The following NELL2 variants were observed in gnomAD, a reference collection of about 807,000 sequenced individuals.
NELL2 encodes the protein protein kinase C-binding protein NELL2.
NELL2 carries 41 observed loss-of-function variants against 109.6 expected under a neutral mutation model. That is an observed-to-expected ratio of 0.37 (90% CI 0.29 to 0.49). NELL2 has a LOEUF of 0.49. Among genes scored for constraint, NELL2 ranks in the 20% least tolerant of loss-of-function variants. The pLI, the probability that NELL2 is intolerant of heterozygous loss-of-function variation, is 0.98. For missense variants in NELL2, 900 were observed against 1,008.3 expected, an observed-to-expected ratio of 0.89 and a Z score of 1.45; for synonymous variants, 355 against 344.7, an observed-to-expected ratio of 1.03 and a Z score of -0.33.
chr12:44,774,415 G>A (rs1429459809), intron 9 of NELL2, among the ~76,000 whole-genome samples: 4 of 152,182 alleles, frequency 2.6e-5, no homozygotes, highest in Non-Finnish European at 5.9e-5. Flanking sequence ...TATTGCAGCC[G>A]TGTGAACCAT....
At chr12:44,684,983 C>G (rs925478709) in intron 12 of NELL2, among the ~76,000 whole-genome samples, 8 of 152,068 alleles carry the variant, frequency 5.3e-5, no homozygotes, top group African/African-American at 1.9e-4. Context: ...TGTTGACTTT[C>G]TGTCTCGTTG....
chr12:44,830,874 G>T lies in NELL2; in HGVS notation c.185-14738C>A, dbSNP rs1179567419. Reference sequence around the variant, plus strand: ...GGCTTTGATATTCTGTCAGGATCTTGCCAAATCTCATTCTCTCCCTCTCTC... The same window carrying T: ...GGCTTTGATATTCTGTCAGGATCTTTCCAAATCTCATTCTCTCCCTCTCTC... On this transcript the variant is annotated intron_variant, in intron 2 of 19. Transcript: ENST00000429094. Among the ~76,000 whole-genome samples, 4 of 151,814 alleles carry T rather than the reference G, an allele frequency of 2.6e-5. No individual in the cohort carries two copies. The East Asian group carries it at 7.7e-4, about 29-fold the overall frequency.
intron 2 of NELL2, among the ~76,000 whole-genome samples, chr12:44,867,217 T>C (rs1945026282): frequency 6.6e-6 from 1 of 152,110 alleles, no homozygotes; most frequent in Non-Finnish European, 1.5e-5. Flanking sequence ...CGAACAGAGA[T>C]GAAATAATCC....
chr12:44,601,081 C>T (rs1212730166), intron 15 of NELL2, among the ~76,000 whole-genome samples: 1 of 151,986 alleles, frequency 6.6e-6, no homozygotes, highest in Non-Finnish European at 1.5e-5. Flanking sequence ...AGATCTTATC[C>T]AAATTCCCAA....
At chr12:44,698,621 C>T (rs969501199) in intron 12 of NELL2, among the ~76,000 whole-genome samples, 10 of 152,140 alleles carry the variant, frequency 6.6e-5, no homozygotes, top group Admixed American at 1.3e-4. Flanking sequence ...CCAAGAGAAA[C>T]TAGGCTATCA....
At chr12:44,796,107 G>A (rs957534785) in intron 3 of NELL2, among the ~76,000 whole-genome samples, 13 of 152,016 alleles carry the variant, frequency 8.6e-5, no homozygotes, top group Non-Finnish European at 1.5e-4. Flanking sequence ...AATAAGAGTT[G>A]TAAATTTCTG....
rs568235522 is a variant in NELL2 at position 44,512,519 on chromosome 12, A to G, written c.2401-3535T>C. On this transcript the variant is annotated intron_variant, in intron 19 of 19. Coordinates refer to ENST00000429094, the MANE Select transcript of NELL2 (RefSeq NM_001145108.2). ...AAAAAAATCAGTATATTGAAGATAT[A>G]TCTGAACCCCCATGCAGTATTTTTC... Among the ~76,000 whole-genome samples, 6 of 152,260 alleles carry G rather than the reference A, an allele frequency of 3.9e-5. No individual in the cohort carries two copies. In the East Asian group the frequency reaches 1.2e-3, roughly 29 times the overall value.
At chr12:44,805,689 GTAT>G (rs1942976649) in intron 3 of NELL2, among the ~76,000 whole-genome samples, 1 of 151,800 alleles carries the variant, frequency 6.6e-6, no homozygotes. Flanking sequence ...AAACACAGAT[GTAT>G]TATTATACCT....
chr12:44,725,780 A>G (rs1226352760), intron 9 of NELL2, among the ~76,000 whole-genome samples: 5 of 152,214 alleles, frequency 3.3e-5, no homozygotes, highest in Non-Finnish European at 7.4e-5. Flanking sequence ...GTTTTCACTT[A>G]TAAGTGGGAA....
chr12:44,589,557 T>A (rs1003189122), intron 15 of NELL2, among the ~76,000 whole-genome samples: 2 of 152,120 alleles, frequency 1.3e-5, no homozygotes, highest in African/African-American at 4.8e-5. Flanking sequence ...ATTTTTGTAT[T>A]TTTAGTAAAG....
intron 13 of NELL2, among the ~76,000 whole-genome samples, chr12:44,653,557 T>C (rs1947380176): frequency 1.3e-5 from 2 of 152,180 alleles, no homozygotes; most frequent in African/African-American, 4.8e-5. Context: ...TTTAAATTCC[T>C]CAGATAACAA....
intron 19 of NELL2, among the ~76,000 whole-genome samples, chr12:44,518,771 T>C (rs963658416): frequency 6.6e-6 from 1 of 152,226 alleles, no homozygotes; most frequent in Non-Finnish European, 1.5e-5. Context: ...ATTTCCCTGT[T>C]AGTCATTAGT....
chr12:44,823,410 C>G (rs768537760), intron 2 of NELL2, among the ~76,000 whole-genome samples: 4 of 152,148 alleles, frequency 2.6e-5, no homozygotes, highest in Admixed American at 1.3e-4. Flanking sequence ...CATCTCCTAG[C>G]CCTCAGCAAT....
chr12:44,523,546 A>C (rs1941635093), intron 16 of NELL2, 62 bp from the exon 17 acceptor site: 1 of 1,440,648 alleles, frequency 6.9e-7, no homozygotes, highest in Non-Finnish European at 9.7e-7. Context: ...AAACAACTGC[A>C]ATCAGGCCAG....
At chr12:44,652,607 A>G (rs777220905) in intron 13 of NELL2, among the ~76,000 whole-genome samples, 1 of 152,234 alleles carries the variant, frequency 6.6e-6, no homozygotes, top group African/African-American at 2.4e-5. Context: ...ATCATTAGGG[A>G]AAAATGGGAA....
At chr12:44,608,963 G>A (rs778355420) in intron 14 of NELL2, among the ~76,000 whole-genome samples, 2 of 150,920 alleles carry the variant, frequency 1.3e-5, no homozygotes, top group Non-Finnish European at 2.9e-5. Context: ...AAAGTTTAAA[G>A]TATAAGTTAT....
chr12:44,517,683 ATTAATTAAAAT>A lies in NELL2; in HGVS notation c.2400+2311_2400+2321del, dbSNP rs1941339310. On this transcript the variant is annotated intron_variant, in intron 19 of 19. Transcript: ENST00000429094. ...AAAATTTTCATATTATTTAATTTTAATTAATTAAAATTTAAATAGCCACATGTGGCTACTGA... is the reference window on the plus strand; with the variant it reads ...AAAATTTTCATATTATTTAATTTTAATTAAATAGCCACATGTGGCTACTGA... Among the ~76,000 whole-genome samples the A allele has an allele frequency of 2.6e-5, 4 of 152,130 alleles. No individual in the cohort carries two copies. The South Asian group carries it at 8.3e-4, about 32-fold the overall frequency.
At chr12:44,587,307 ATT>A (rs67322195) in intron 15 of NELL2, among the ~76,000 whole-genome samples, 2,380 of 96,392 alleles carry the variant, frequency 0.025, 116 homozygotes, top group East Asian at 0.096. Flanking sequence ...ATATATATAT[ATT>A]TTTTTTTAAA....
chr12:44,749,728 C>T (rs73277257), intron 9 of NELL2, among the ~76,000 whole-genome samples: 1 of 152,056 alleles, frequency 6.6e-6, no homozygotes, highest in Non-Finnish European at 1.5e-5. Context: ...GGCGTTCTTA[C>T]AGCAATGGCA....
Sources: allele counts gnomAD v4.1 joint callset (sites outside exome capture counted in the v4.1 genomes callset), GRCh38; gene constraint gnomAD v4.1.1; transcripts MANE v1.5; gene names NCBI Gene and HGNC (gene_info 2026-07-23, HGNC 2026-07-21).